Variants in ANKRD34B observed in about 807,000 individuals in gnomAD.
ANKRD34B encodes ankyrin repeat domain-containing protein 34B.
Under a neutral mutation model 4.4 loss-of-function variants are expected in ANKRD34B, and 2 were observed. The ratio of observed to expected loss-of-function variants is 0.46; its 90% CI spans 0.19 to 1.44. The LOEUF (loss-of-function observed/expected upper bound fraction) is 1.44. Among genes scored for constraint, ANKRD34B ranks in the 40% most tolerant of loss-of-function variants. The pLI, the probability that ANKRD34B is intolerant of heterozygous loss-of-function variation, is 0.26. For missense variants in ANKRD34B, 558 were observed against 604.7 expected, an observed-to-expected ratio of 0.92 and a Z score of 0.81; for synonymous variants, 226 against 227.1, an observed-to-expected ratio of 0.99 and a Z score of 0.05.
intron 3 of ANKRD34B, among the ~76,000 whole-genome samples, chr5:80,565,469 C>T (rs1746537082): frequency 6.6e-6 from 1 of 152,220 alleles, no homozygotes; most frequent in Non-Finnish European, 1.5e-5. Context: ...AGGCATCCGA[C>T]AGGTGTCAAT....
chr5:80,568,925 C>CACACACACACACACACACACAGAGAGAG lies in ANKRD34B; in HGVS notation c.-191+34_-191+35insCTCTCTCTGTGTGTGTGTGTGTGTGTGT. ...ACACACACACACACACACACACACA[C>CACACACACACACACACACACAGAGAGAG]AGAGAGAGAGAGAGAGAGAGAGAGA... On this transcript the variant is annotated intron_variant, in intron 2 of 4. Transcript: ENST00000338682. 2.1e-3 allele frequency: 107 copies of CACACACACACACACACACACAGAGAGAG among 49,834 alleles called. 1 individual carries two copies. Among genetic ancestry groups the CACACACACACACACACACACAGAGAGAG allele is most frequent in the Non-Finnish European group, 3.3e-3 (83 of 25,484 alleles). The allele number at this position is 49,834 out of a possible 1,614,324, so 3.1% of individuals were successfully genotyped here. A position where few individuals can be genotyped will look rare whatever the true frequency, so the allele number is the denominator to read the frequency against.
At chr5:80,566,974 A>G (rs901031775) in intron 2 of ANKRD34B, among the ~76,000 whole-genome samples, 200 bp from the exon 3 acceptor site, 1 of 152,176 alleles carries the variant, frequency 6.6e-6, no homozygotes, top group African/African-American at 2.4e-5. Context: ...GTCTGCCTGC[A>G]GGGCTGAGTC....
At chr5:80,565,918 T>C (rs964051477) in intron 3 of ANKRD34B, among the ~76,000 whole-genome samples, 6 of 152,192 alleles carry the variant, frequency 3.9e-5, no homozygotes, top group Middle Eastern at 3.2e-3. Flanking sequence ...TACAAGATAT[T>C]AATTATTAAA....
At chr5:80,564,175 A>T (rs113775366) in intron 3 of ANKRD34B, among the ~76,000 whole-genome samples, 1 of 151,066 alleles carries the variant, frequency 6.6e-6, no homozygotes, top group East Asian at 1.9e-4. Flanking sequence ...ACATTTTTTT[A>T]AATATTTTAT....
At chr5:80,565,852 A>C (rs536159192) in intron 3 of ANKRD34B, among the ~76,000 whole-genome samples, 16 of 152,364 alleles carry the variant, frequency 1.1e-4, no homozygotes, top group African/African-American at 3.8e-4. Flanking sequence ...TGGAAAGAGC[A>C]TATCCTTTAA....
chr5:80,560,075 T>A (rs1268832918), intron 4 of ANKRD34B, 33 bp from the exon 5 acceptor site: 9 of 1,317,804 alleles, frequency 6.8e-6, no homozygotes, highest in Non-Finnish European at 9.4e-6. Context: ...ACCAAAAGAT[T>A]AGCCAGAATC....
At position 80,559,933 on chromosome 5, in the gene ANKRD34B, C is replaced by T. The variant is rs775051217; in HGVS notation, c.87G>A (p.Leu29=). The part of the protein sequence containing the change: ...HQSRLRLTRL[L]LEGGAYINES... The stretch of plus-strand genomic sequence containing the variant: ...CATTAATGTAGGCACCGCCTTCTAG[C>T]AAAAGTCTTGTGAGGCGAAGCCGGC... Residue 29 remains leucine, a synonymous_variant, in exon 5 of 5, where the codon TTG becomes TTA. Coordinates refer to ENST00000338682, the MANE Select transcript of ANKRD34B (RefSeq NM_001004441.3). 11 of 1,613,976 alleles carry T rather than the reference C, an allele frequency of 6.8e-6. No individual in the cohort carries two copies. Among genetic ancestry groups the T allele is most frequent in the African/African-American group, 1.3e-5 (1 of 74,918 alleles).
At chr5:80,567,882 G>A (rs954032238) in intron 2 of ANKRD34B, among the ~76,000 whole-genome samples, 3 of 152,018 alleles carry the variant, frequency 2.0e-5, no homozygotes, top group African/African-American at 4.8e-5. Context: ...CCTGGGCTCC[G>A]GATCTCTCCA....
chr5:80,566,159 G>A (rs1487282571), intron 3 of ANKRD34B, among the ~76,000 whole-genome samples: 3 of 152,144 alleles, frequency 2.0e-5, no homozygotes, highest in Non-Finnish European at 4.4e-5. Flanking sequence ...ACAAGCTCTG[G>A]AAATGGGGGG....
chr5:80,561,199 A>T lies in ANKRD34B; in HGVS notation c.-23-1157T>A, dbSNP rs886121942. Among the ~76,000 whole-genome samples, 5 of 152,292 alleles carry T rather than the reference A, an allele frequency of 3.3e-5. No homozygotes were observed. The South Asian group carries it at 8.3e-4, about 25-fold the overall frequency. On this transcript the variant is annotated intron_variant, in intron 4 of 4. Coordinates refer to ENST00000338682, the MANE Select transcript of ANKRD34B (RefSeq NM_001004441.3). The stretch of plus-strand genomic sequence containing the variant: ...TAGATTTAGATTCCTTCAACAGATA[A>T]TTCCATTAGGTGGTAAGAATTATGT...
Position 80,558,423 on chromosome 5 carries a change from CTTTG to C in ANKRD34B, c.*48_*51del. 7.4e-7 allele frequency: 1 copy of C among 1,356,660 alleles called. No homozygotes were observed. The highest frequency in any genetic ancestry group is 1.4e-5 in the South Asian group (1 of 72,080). The allele number at this position is 1,356,660 out of a possible 1,614,324, so 84.0% of individuals were successfully genotyped here. The stretch of plus-strand genomic sequence containing the variant: ...AACATTTAAGATTTCTTCTCTAGTT[CTTTG>C]TTTCTCTGATATAAACATTTGAAGA... On this transcript the variant is annotated 3_prime_UTR_variant, in exon 5 of 5. Transcript: ENST00000338682.
rs555219319 is a variant in ANKRD34B at position 80,564,114 on chromosome 5, T to C, written c.-104-299A>G. ...TCTAGTGTTTAGGTCAATCTTGTTT[T>C]TAGTTTTTAAAGTCTTAGCAGAATC... is the stretch of plus-strand genomic sequence containing the variant. On this transcript the variant is annotated intron_variant, in intron 3 of 4. Coordinates refer to ENST00000338682, the MANE Select transcript of ANKRD34B (RefSeq NM_001004441.3). 2.0e-5 allele frequency among the ~76,000 whole-genome samples: 3 copies of C among 152,340 alleles called. No homozygotes were observed. The South Asian group carries it at 6.2e-4, about 32-fold the overall frequency.
rs1316927487 is a variant in ANKRD34B, at chr5:80,570,259, CG to C, written c.-445del. On this transcript the variant is annotated 5_prime_UTR_variant, in exon 1 of 5. Coordinates refer to ENST00000338682, the MANE Select transcript of ANKRD34B (RefSeq NM_001004441.3). Reference sequence around the variant, plus strand: ...GCCGTCTGAGCTGAGCTGTGGTCTTCGGCTCCTCGGCGCCTCGAATCGCAGA... The same window carrying C: ...GCCGTCTGAGCTGAGCTGTGGTCTTCGCTCCTCGGCGCCTCGAATCGCAGA... 6.6e-6 allele frequency: 1 copy of C among 152,250 alleles called. No individual in the cohort carries two copies. The highest frequency in any genetic ancestry group is 1.5e-5 in the Non-Finnish European group (1 of 68,076). The allele number at this position is 152,250 out of a possible 1,614,324, so 9.4% of individuals were successfully genotyped here.
In ANKRD34B at chr5:80,558,395, A is replaced by G. The variant is rs73123480; in HGVS notation, c.*80T>C. The stretch of plus-strand genomic sequence containing the variant: ...CTAACCAATCACGAGATTTAAAAGA[A>G]TGAACATTTAAGATTTCTTCTCTAG... On this transcript the variant is annotated 3_prime_UTR_variant, in exon 5 of 5. Transcript: ENST00000338682. 2,715 of 1,148,260 alleles carry G rather than the reference A, an allele frequency of 2.4e-3. 34 individuals are homozygous for G. The African/African-American group carries it at 0.037, about 16-fold the overall frequency. 71.1% of individuals were successfully genotyped at this position (1,148,260 alleles called of 1,614,324 possible).
In ANKRD34B at chr5:80,558,412, C is replaced by A; in HGVS notation, c.*63G>T. 1.6e-6 allele frequency: 2 copies of A among 1,271,044 alleles called. No homozygotes were observed. Among genetic ancestry groups the A allele is most frequent in the Non-Finnish European group, 1.1e-6 (1 of 915,896 alleles). The allele number at this position is 1,271,044 out of a possible 1,614,324, so 78.7% of individuals were successfully genotyped here. The stretch of plus-strand genomic sequence containing the variant: ...TTAAAAGAATGAACATTTAAGATTT[C>A]TTCTCTAGTTCTTTGTTTCTCTGAT... On this transcript the variant is annotated 3_prime_UTR_variant, in exon 5 of 5. Transcript: ENST00000338682.
intron 4 of ANKRD34B, among the ~76,000 whole-genome samples, chr5:80,561,062 A>G (rs1295605890): frequency 2.6e-5 from 4 of 152,226 alleles, no homozygotes; most frequent in Non-Finnish European, 4.4e-5. Context: ...TCTGCTCTGA[A>G]AAAGGAGTTT....
chr5:80,562,586 A>C (rs1356158120), intron 4 of ANKRD34B, among the ~76,000 whole-genome samples: 1 of 152,220 alleles, frequency 6.6e-6, no homozygotes, highest in Non-Finnish European at 1.5e-5. Context: ...CTCAGCCCTC[A>C]GGGATAAATT....
Position 80,558,439 on chromosome 5 carries a change from T to C in ANKRD34B, c.*36A>G, listed in dbSNP as rs377648475. The C allele has an allele frequency of 4.8e-5, 69 of 1,436,574 alleles. No homozygotes were observed. Among genetic ancestry groups the C allele is most frequent in the Middle Eastern group, 1.9e-4 (1 of 5,264 alleles). 89.0% of individuals were successfully genotyped at this position (1,436,574 alleles called of 1,614,324 possible). On this transcript the variant is annotated 3_prime_UTR_variant, in exon 5 of 5. Transcript: ENST00000338682. ...TCTCTAGTTCTTTGTTTCTCTGATA[T>C]AAACATTTGAAGAAGATGTGTTTTA... is the stretch of plus-strand genomic sequence containing the variant.
rs1490693798 is a variant in ANKRD34B, at chr5:80,556,786, GTTTATGAACTAATCTA to G, written c.*1673_*1688del. ...TTAAAATCTTTATTGATACCATTTT[GTTTATGAACTAATCTA>G]TTTACATACCCTTCCAAATTGTATC... On this transcript the variant is annotated 3_prime_UTR_variant, in exon 5 of 5. Coordinates refer to ENST00000338682, the MANE Select transcript of ANKRD34B (RefSeq NM_001004441.3). 1 of 152,532 alleles carries G rather than the reference GTTTATGAACTAATCTA, an allele frequency of 6.6e-6. No individual in the cohort carries two copies. The highest frequency in any genetic ancestry group is 1.5e-5 in the Non-Finnish European group (1 of 68,016). 9.4% of individuals were successfully genotyped at this position (152,532 alleles called of 1,614,324 possible). A position where few individuals can be genotyped will look rare whatever the true frequency, so the allele number is the denominator to read the frequency against.
Sources: gnomAD v4.1 joint callset for allele counts (sites outside exome capture counted in the v4.1 genomes callset) on GRCh38, gnomAD v4.1.1 for gene constraint, MANE v1.5 for transcripts, NCBI Gene and HGNC (gene_info 2026-07-23, HGNC 2026-07-21) for gene names.